Variants in ADGRB3 observed in about 807,000 individuals in gnomAD.
The protein encoded by ADGRB3 is adhesion G protein-coupled receptor B3, also known as brain-specific angiogenesis inhibitor 3.
ADGRB3 carries 37 observed loss-of-function variants against 193.4 expected under a neutral mutation model. That is an observed-to-expected ratio of 0.19 (90% CI 0.15 to 0.25). The LOEUF is 0.25. Among genes scored for constraint, ADGRB3 ranks in the 10% least tolerant of loss-of-function variants. The probability of loss-of-function intolerance (pLI) is 1.00; values close to 1 mark genes in which losing one functional copy is unlikely to be tolerated. For synonymous variants in ADGRB3, 690 were observed against 644.2 expected (o/e 1.07, Z -1.08); for missense variants, 1,637 against 1,852.9 (o/e 0.88, Z 2.14).
intron 3 of ADGRB3, among the ~76,000 whole-genome samples, chr6:68,693,914 T>C (rs1765117548): frequency 6.6e-6 from 1 of 152,038 alleles, no homozygotes; most frequent in South Asian, 2.1e-4. Context: ...CCATGGCATA[T>C]CCTGACTCCT....
chr6:68,829,810 A>G (rs1767919521), intron 3 of ADGRB3, among the ~76,000 whole-genome samples: 1 of 152,150 alleles, frequency 6.6e-6, no homozygotes, highest in South Asian at 2.1e-4. Flanking sequence ...AATGACTATC[A>G]TGTAACAGGA....
intron 26 of ADGRB3, among the ~76,000 whole-genome samples, chr6:69,346,557 C>T (rs1278116072): frequency 1.3e-5 from 2 of 151,864 alleles, no homozygotes; most frequent in Admixed American, 1.3e-4. Context: ...TGAACAGACA[C>T]TTTTCAAAAG....
intron 20 of ADGRB3, among the ~76,000 whole-genome samples, chr6:69,246,792 G>A (rs1458395240): frequency 6.6e-6 from 1 of 152,202 alleles, no homozygotes; most frequent in Non-Finnish European, 1.5e-5. Flanking sequence ...TGGACATTCA[G>A]TGAGTATTCT....
intron 17 of ADGRB3, among the ~76,000 whole-genome samples, chr6:69,130,241 C>T (rs1273909215): frequency 1.3e-5 from 2 of 151,944 alleles, no homozygotes; most frequent in African/African-American, 2.4e-5. Flanking sequence ...CATCTCCATC[C>T]TCAAGACCTA....
intron 26 of ADGRB3, among the ~76,000 whole-genome samples, chr6:69,348,855 TAAA>T (rs1638377303): frequency 6.6e-6 from 1 of 152,238 alleles, no homozygotes; most frequent in East Asian, 1.9e-4. Flanking sequence ...ATCTAAATCA[TAAA>T]AGGTTGGAAA....
intron 20 of ADGRB3, among the ~76,000 whole-genome samples, chr6:69,250,295 A>G (rs1766593076): frequency 6.8e-6 from 1 of 146,956 alleles, no homozygotes; most frequent in Non-Finnish European, 1.5e-5. Flanking sequence ...ACAAAATACA[A>G]ATTAGTTCTG....
intron 6 of ADGRB3, among the ~76,000 whole-genome samples, chr6:68,946,060 T>G (rs922137993): frequency 1.4e-4 from 21 of 152,126 alleles, no homozygotes; most frequent in African/African-American, 4.8e-4. Flanking sequence ...CTTGAGTACT[T>G]AAACGTATCA....
chr6:69,192,822 C>A (rs1765221533), intron 17 of ADGRB3, among the ~76,000 whole-genome samples: 1 of 152,134 alleles, frequency 6.6e-6, no homozygotes, highest in Non-Finnish European at 1.5e-5. Flanking sequence ...AGGAATACAA[C>A]AGTGAACAAG....
chr6:68,975,292 G>T lies in ADGRB3; in HGVS notation c.1686G>T (p.Pro562=). Residue 562 remains proline, a synonymous_variant, in exon 10 of 32, where the codon CCG becomes CCT. Transcript: ENST00000370598. The part of the protein sequence containing the change: ...SLHGVAFWEQ[P]SFARCISNEY... ...ATGGAGTGGCCTTCTGGGAACAGCCGAGCTTTGCAAGATGCATATCAAATG... is the reference window on the plus strand; with the variant it reads ...ATGGAGTGGCCTTCTGGGAACAGCCTAGCTTTGCAAGATGCATATCAAATG... The T allele has an allele frequency of 6.2e-7, 1 of 1,614,034 alleles. No homozygotes were observed. Among genetic ancestry groups the T allele is most frequent in the Non-Finnish European group, 8.5e-7 (1 of 1,179,954 alleles).
At chr6:69,034,997 C>A (rs1582410103) in intron 13 of ADGRB3, among the ~76,000 whole-genome samples, 1 of 151,990 alleles carries the variant, frequency 6.6e-6, no homozygotes. Flanking sequence ...TCTATTGCTT[C>A]ATATGGGAAA....
intron 13 of ADGRB3, among the ~76,000 whole-genome samples, chr6:69,022,054 A>G (rs1420362008): frequency 1.3e-5 from 2 of 151,844 alleles, no homozygotes; most frequent in African/African-American, 4.8e-5. Flanking sequence ...TTTAGTTTTC[A>G]TTTTTAAATA....
intron 17 of ADGRB3, among the ~76,000 whole-genome samples, chr6:69,146,024 T>C (rs935710364): frequency 6.6e-6 from 1 of 152,166 alleles, no homozygotes; most frequent in Non-Finnish European, 1.5e-5. Flanking sequence ...CTCCAGGCTT[T>C]AGGCCTTCCC....
chr6:69,383,358 C>T (rs934355837), intron 31 of ADGRB3, among the ~76,000 whole-genome samples: 1 of 151,750 alleles, frequency 6.6e-6, no homozygotes, highest in Non-Finnish European at 1.5e-5. Flanking sequence ...TTTTTGTCTC[C>T]AGGAGATTTA....
chr6:68,731,625 C>G (rs1227272467), intron 3 of ADGRB3, among the ~76,000 whole-genome samples: 1 of 151,470 alleles, frequency 6.6e-6, no homozygotes. Context: ...TATACTTCTG[C>G]TTTTTGCATT....
chr6:69,002,238 T>C (rs1319447321), intron 11 of ADGRB3, among the ~76,000 whole-genome samples: 24 of 150,428 alleles, frequency 1.6e-4, no homozygotes, highest in African/African-American at 5.6e-4. Flanking sequence ...TTTTTTTTTT[T>C]TGATGGAGTT....
chr6:68,858,514 AC>A (rs1177557558), intron 3 of ADGRB3, among the ~76,000 whole-genome samples: 10 of 141,848 alleles, frequency 7.0e-5, no homozygotes, highest in African/African-American at 2.3e-4. Flanking sequence ...AAAAAAAAAA[AC>A]ACCTGAGGTT....
At chr6:68,644,030 C>T (rs561810359) in intron 3 of ADGRB3, among the ~76,000 whole-genome samples, 4 of 151,180 alleles carry the variant, frequency 2.6e-5, no homozygotes, top group African/African-American at 7.3e-5. Context: ...AAAAAAAAAC[C>T]CTGAGGCTTT....
chr6:69,370,023 C>T (rs531544508), intron 29 of ADGRB3, among the ~76,000 whole-genome samples: 1 of 152,166 alleles, frequency 6.6e-6, no homozygotes, highest in East Asian at 1.9e-4. Flanking sequence ...TTTACTGTAA[C>T]ATATCACTCC....
chr6:69,336,781 T>C (rs1768859692), intron 24 of ADGRB3, among the ~76,000 whole-genome samples: 1 of 152,130 alleles, frequency 6.6e-6, no homozygotes, highest in Non-Finnish European at 1.5e-5. Flanking sequence ...GATCTCATTT[T>C]TCAATGCAGC....
Sources: gnomAD v4.1 joint callset for allele counts (sites outside exome capture counted in the v4.1 genomes callset) on GRCh38, gnomAD v4.1.1 for gene constraint, MANE v1.5 for transcripts, NCBI Gene and HGNC (gene_info 2026-07-23, HGNC 2026-07-21) for gene names.